CRIM1: variants seen among roughly 807,000 people sequenced by gnomAD.
The protein encoded by CRIM1 is cysteine-rich motor neuron 1 protein.
A neutral mutation model predicts 116.4 loss-of-function variants in CRIM1; 32 were observed. That is an observed-to-expected ratio of 0.27 (90% CI 0.21 to 0.37). The LOEUF is 0.37. Ranked by LOEUF, CRIM1 falls within the 10% of genes least tolerant of loss-of-function variation. The probability of loss-of-function intolerance (pLI) is 1.00; values close to 1 mark genes in which losing one functional copy is unlikely to be tolerated. For missense variants in CRIM1, 1,331 were observed against 1,354.8 expected, an observed-to-expected ratio of 0.98 and a Z score of 0.28; for synonymous variants, 590 against 509.2, an observed-to-expected ratio of 1.16 and a Z score of -2.13.
At chr2:36,413,412 C>T (rs1056711695) in intron 2 of CRIM1, among the ~76,000 whole-genome samples, 3 of 152,118 alleles carry the variant, frequency 2.0e-5, no homozygotes, top group South Asian at 4.1e-4. Flanking sequence ...AACAGTAGGG[C>T]TTTTCTGTCC....
At chr2:36,495,590 T>G (rs1680532215) in intron 7 of CRIM1, among the ~76,000 whole-genome samples, 1 of 151,820 alleles carries the variant, frequency 6.6e-6, no homozygotes, top group African/African-American at 2.4e-5. Flanking sequence ...AAAGCTATGT[T>G]AAGAATCTGA....
At chr2:36,548,447 G>C in intron 16 of CRIM1, 78 bp from the exon 17 acceptor site, 1 of 1,039,770 alleles carries the variant, frequency 9.6e-7, no homozygotes, top group Non-Finnish European at 1.4e-6. Context: ...ACCTGAGTTA[G>C]GTACTAAATT....
At chr2:36,502,695 AAATGT>A (rs1247499994) in intron 8 of CRIM1, among the ~76,000 whole-genome samples, 2 of 152,232 alleles carry the variant, frequency 1.3e-5, no homozygotes, top group Non-Finnish European at 2.9e-5. Flanking sequence ...TATAACGTAC[AAATGT>A]AAATTATTTT....
In CRIM1 at chr2:36,467,975, G is replaced by A. The variant is rs182333285; in HGVS notation, c.991+3320G>A. 3.2e-4 allele frequency among the ~76,000 whole-genome samples: 48 copies of A among 152,296 alleles called. 1 individual carries two copies. The highest frequency in any genetic ancestry group is 1.0e-3 in the African/African-American group (42 of 41,560). On this transcript the variant is annotated intron_variant, in intron 5 of 16. Coordinates refer to ENST00000280527, the MANE Select transcript of CRIM1 (RefSeq NM_016441.3). ...ACAAATGCAGAAACTGGTTTCCTGG[G>A]ATTGTTCTCAATAAAAAGCAAAGGC...
At chr2:36,426,398 G>A (rs892143952) in intron 2 of CRIM1, among the ~76,000 whole-genome samples, 2 of 152,158 alleles carry the variant, frequency 1.3e-5, no homozygotes, top group African/African-American at 4.8e-5. Flanking sequence ...AAGTCTTTGA[G>A]ATCAAGTAAA....
chr2:36,517,892 A>T (rs184416904), intron 12 of CRIM1, among the ~76,000 whole-genome samples: 1 of 152,354 alleles, frequency 6.6e-6, no homozygotes, highest in Admixed American at 6.5e-5. Context: ...GTGAAAAGTC[A>T]TCTTTATGTA....
chr2:36,471,623 A>G (rs191758399), intron 5 of CRIM1, among the ~76,000 whole-genome samples: 22 of 152,226 alleles, frequency 1.4e-4, no homozygotes, highest in African/African-American at 4.3e-4. Flanking sequence ...AGACTATAGC[A>G]GGGGTGTCCA....
At chr2:36,403,689 T>C (rs1451551395) in intron 2 of CRIM1, among the ~76,000 whole-genome samples, 4 of 152,128 alleles carry the variant, frequency 2.6e-5, no homozygotes, top group Admixed American at 1.3e-4. Context: ...AGGACTATTA[T>C]CAAGATAAAT....
chr2:36,451,658 T>G (rs1453214955), intron 4 of CRIM1, among the ~76,000 whole-genome samples: 2 of 152,182 alleles, frequency 1.3e-5, no homozygotes, highest in Non-Finnish European at 2.9e-5. Flanking sequence ...CCAAAGTTTG[T>G]CAACTCTTAT....
intron 12 of CRIM1, 100 bp from the exon 13 acceptor site, chr2:36,521,992 C>T: frequency 2.1e-6 from 2 of 933,366 alleles, no homozygotes; most frequent in Non-Finnish European, 3.5e-6. Flanking sequence ...TAAGGAGGCA[C>T]CGAAAGCCAT....
chr2:36,386,294 A>G (rs1357930983), intron 1 of CRIM1, among the ~76,000 whole-genome samples: 1 of 152,188 alleles, frequency 6.6e-6, no homozygotes, highest in Non-Finnish European at 1.5e-5. Flanking sequence ...AAAGTTTATT[A>G]TTTAAGTTAT....
At chr2:36,399,931 C>A (rs958693933) in intron 2 of CRIM1, among the ~76,000 whole-genome samples, 2 of 152,192 alleles carry the variant, frequency 1.3e-5, no homozygotes, top group African/African-American at 4.8e-5. Flanking sequence ...GGGTCACCTA[C>A]TGGTGCTGAC....
intron 1 of CRIM1, among the ~76,000 whole-genome samples, chr2:36,357,232 T>C (rs1342705745): frequency 6.6e-6 from 1 of 152,108 alleles, no homozygotes; most frequent in Non-Finnish European, 1.5e-5. Flanking sequence ...CACACGGTGG[T>C]TACTCATTTA....
At chr2:36,404,547 C>G (rs1672648265) in intron 2 of CRIM1, among the ~76,000 whole-genome samples, 1 of 152,144 alleles carries the variant, frequency 6.6e-6, no homozygotes, top group Non-Finnish European at 1.5e-5. Flanking sequence ...TTCATGTATT[C>G]ATTCAAAAAG....
chr2:36,511,796 G>A (rs187990016), intron 9 of CRIM1, among the ~76,000 whole-genome samples: 1 of 137,812 alleles, frequency 7.3e-6, no homozygotes, highest in African/African-American at 2.7e-5. Context: ...CCCCTTTTAT[G>A]TACCTGCTGA....
At position 36,550,030 on chromosome 2, in the gene CRIM1, T is replaced by A. The variant is rs1423981856; in HGVS notation, c.*1329T>A. ...CAGTTTAATTGGAAAGATGTGTGTG[T>A]GAGAGTATGTATGTGTGTGTGTGTG... On this transcript the variant is annotated 3_prime_UTR_variant, in exon 17 of 17. Transcript: ENST00000280527. 1 of 149,816 alleles carries A rather than the reference T, an allele frequency of 6.7e-6. No homozygotes were observed. The highest frequency in any genetic ancestry group is 1.5e-5 in the Non-Finnish European group (1 of 67,690). The allele number at this position is 149,816 out of a possible 1,614,324, so 9.3% of individuals were successfully genotyped here. A position where few individuals can be genotyped will look rare whatever the true frequency, so the allele number is the denominator to read the frequency against.
Position 36,547,130 on chromosome 2 carries a change from C to G in CRIM1, c.2893C>G (p.Gln965Glu). 6.2e-7 allele frequency: 1 copy of G among 1,613,218 alleles called. No individual in the cohort carries two copies. Among genetic ancestry groups the G allele is most frequent in the Non-Finnish European group, 8.5e-7 (1 of 1,179,432 alleles). Residue 965 changes from glutamine to glutamate, a missense_variant, in exon 16 of 17, where the codon CAG (glutamine) becomes GAG (glutamate). By Grantham distance (29) the Gln-to-Glu change is conservative. Around this residue, in one of 3 missense-constraint regions of CRIM1, gnomAD observed 283 missense variants for 242.8 expected, o/e 1.17. Transcript: ENST00000280527. ...ATTCCTATTCATCAATCAGAAGAAA[C>G]AGTGGATACCACTGCTTTGCTGGTA... ...IAFLFINQKKQWIPLLCWYRT... is the reference protein window; with the variant it reads ...IAFLFINQKKEWIPLLCWYRT...
chr2:36,517,370 T>C lies in CRIM1; in HGVS notation c.2034T>C (p.Ile678=). The C allele has an allele frequency of 6.2e-7, 1 of 1,614,130 alleles. No homozygotes were observed. The highest frequency in any genetic ancestry group is 8.5e-7 in the Non-Finnish European group (1 of 1,180,006). ...VQKPELSTPS[I]CHAPGGEYFV... is the part of the protein sequence containing the mutation. ...AGCCAGAGCTCAGTACTCCCTCCAT[T>C]TGCCACGCCCCTGGAGGAGAATACT... The change falls in exon 12 of 17, where the codon ATT becomes ATC. Residue 678 remains isoleucine, a synonymous_variant. Coordinates refer to ENST00000280527, the MANE Select transcript of CRIM1 (RefSeq NM_016441.3).
intron 2 of CRIM1, among the ~76,000 whole-genome samples, chr2:36,429,528 C>T (rs1270100359): frequency 3.9e-5 from 6 of 152,118 alleles, no homozygotes; most frequent in Non-Finnish European, 4.4e-5. Context: ...TCAAGACTGT[C>T]GCTGTCCTCT....
Sources: gnomAD v4.1 joint callset for allele counts (sites outside exome capture counted in the v4.1 genomes callset) on GRCh38, gnomAD v4.1.1 for gene constraint, gnomAD v4.1.1 regional missense constraint, MANE v1.5 for transcripts, NCBI Gene and HGNC (gene_info 2026-07-23, HGNC 2026-07-21) for gene names.